Variants in AKAP6 observed in about 807,000 individuals in gnomAD.
AKAP6 encodes A-kinase anchor protein 6.
AKAP6 carries 58 observed loss-of-function variants against 188.5 expected under a neutral mutation model. That is an observed-to-expected ratio of 0.31 (90% CI 0.25 to 0.38). The LOEUF (loss-of-function observed/expected upper bound fraction) is 0.38. AKAP6 is among the 10% of genes least tolerant of loss of function. The pLI, the probability that AKAP6 is intolerant of heterozygous loss-of-function variation, is 1.00. For synonymous variants in AKAP6, 989 were observed against 998.6 expected, an observed-to-expected ratio of 0.99 and a Z score of 0.18; for missense variants, 2,710 against 2,740.0, an observed-to-expected ratio of 0.99 and a Z score of 0.24.
chr14:32,747,811 C>A (rs1278312056), intron 11 of AKAP6, among the ~76,000 whole-genome samples: 1 of 152,202 alleles, frequency 6.6e-6, no homozygotes, highest in Admixed American at 6.5e-5. Flanking sequence ...CAGCCCAATT[C>A]TTTCTGATTA....
At chr14:32,731,244 G>T (rs973907166) in intron 9 of AKAP6, among the ~76,000 whole-genome samples, 13 of 152,060 alleles carry the variant, frequency 8.5e-5, no homozygotes, top group Admixed American at 8.5e-4. Flanking sequence ...ACATATGCAC[G>T]CAAATGCTGA....
intron 2 of AKAP6, among the ~76,000 whole-genome samples, chr14:32,437,554 C>G (rs997314807): frequency 6.6e-6 from 1 of 152,022 alleles, no homozygotes; most frequent in Admixed American, 6.6e-5. Flanking sequence ...TCTTAAAACC[C>G]CTGCCACCCA....
At chr14:32,382,636 A>G (rs1050271357) in intron 1 of AKAP6, among the ~76,000 whole-genome samples, 5 of 152,190 alleles carry the variant, frequency 3.3e-5, no homozygotes, top group African/African-American at 9.6e-5. Flanking sequence ...TTTTCATCTC[A>G]GAATGAAAAA....
At chr14:32,704,251 AT>A (rs1312215828) in intron 9 of AKAP6, among the ~76,000 whole-genome samples, 1 of 152,196 alleles carries the variant, frequency 6.6e-6, no homozygotes, top group South Asian at 2.1e-4. Context: ...TGCTAATAAA[AT>A]TTTGGATTAA....
intron 12 of AKAP6, among the ~76,000 whole-genome samples, chr14:32,778,753 C>T (rs11624519): frequency 3.5e-5 from 5 of 143,444 alleles, no homozygotes; most frequent in South Asian, 2.2e-4. Flanking sequence ...CGCTATGTTG[C>T]GCAGGCTAGT....
chr14:32,791,142 A>G (rs2140054633), intron 12 of AKAP6, among the ~76,000 whole-genome samples: 1 of 152,264 alleles, frequency 6.6e-6, no homozygotes, highest in African/African-American at 2.4e-5. Context: ...CAGTAATGGG[A>G]TTGCTGGGTC....
chr14:32,708,550 T>C (rs1028538), intron 9 of AKAP6, among the ~76,000 whole-genome samples: 17,069 of 152,050 alleles, frequency 0.11, 2,135 homozygotes, highest in East Asian at 0.38. Flanking sequence ...TGAAACACTT[T>C]TGAAACTTTC....
At position 32,833,394 on chromosome 14, in the gene AKAP6, T is replaced by G. The variant is rs569583707; in HGVS notation, c.*3589T>G. The G allele has an allele frequency of 6.6e-6, 1 of 152,312 alleles. No homozygotes were observed. The highest frequency in any genetic ancestry group is 1.9e-4 in the East Asian group (1 of 5,192). The allele number at this position is 152,312 out of a possible 1,614,324, so 9.4% of individuals were successfully genotyped here. A position where few individuals can be genotyped will look rare whatever the true frequency, so the allele number is the denominator to read the frequency against. On this transcript the variant is annotated 3_prime_UTR_variant, in exon 14 of 14. Transcript: ENST00000280979. ...TAGTTTCTGATGAAGTTTCTCTACA[T>G]TTAAGAAAATCTAGTGAGCAAAACG...
intron 3 of AKAP6, among the ~76,000 whole-genome samples, chr14:32,538,694 G>A (rs1882792048): frequency 6.6e-6 from 1 of 152,010 alleles, no homozygotes. Context: ...CAGACATTGT[G>A]ATAAGCACTT....
At chr14:32,634,452 T>A (rs1019862726) in intron 7 of AKAP6, among the ~76,000 whole-genome samples, 1 of 152,042 alleles carries the variant, frequency 6.6e-6, no homozygotes, top group Non-Finnish European at 1.5e-5. Context: ...TCCCTTACAA[T>A]TTTTTTGATA....
intron 2 of AKAP6, among the ~76,000 whole-genome samples, chr14:32,490,133 T>G (rs1428003507): frequency 3.3e-5 from 4 of 119,832 alleles, no homozygotes; most frequent in African/African-American, 1.5e-4. Context: ...ACAAAGTACA[T>G]TGATCAGTTA....
chr14:32,541,740 G>A (rs1274189462), intron 3 of AKAP6, among the ~76,000 whole-genome samples: 2 of 152,066 alleles, frequency 1.3e-5, no homozygotes, highest in Admixed American at 1.3e-4. Context: ...TAAGTTCTGA[G>A]TAATGAACAA....
intron 9 of AKAP6, among the ~76,000 whole-genome samples, chr14:32,704,893 T>C (rs1040116694): frequency 1.3e-5 from 2 of 152,124 alleles, no homozygotes; most frequent in South Asian, 2.1e-4. Flanking sequence ...TCGTTCTAGT[T>C]TTTATAGTTT....
chr14:32,379,209 T>TG (rs757607166), intron 1 of AKAP6, among the ~76,000 whole-genome samples: 13 of 152,148 alleles, frequency 8.5e-5, no homozygotes, highest in Non-Finnish European at 1.5e-5. Flanking sequence ...TGTGAGCCAC[T>TG]GCGCCCAGCC....
At chr14:32,337,871 C>T (rs1269652379) in intron 1 of AKAP6, among the ~76,000 whole-genome samples, 1 of 151,974 alleles carries the variant, frequency 6.6e-6, no homozygotes, top group African/African-American at 2.4e-5. Flanking sequence ...AGGAGAGAAA[C>T]AGGCCTGGCA....
intron 11 of AKAP6, among the ~76,000 whole-genome samples, chr14:32,769,484 T>A (rs1204206779): frequency 2.0e-5 from 3 of 152,038 alleles, no homozygotes; most frequent in African/African-American, 7.2e-5. Flanking sequence ...ATAGAAGCCA[T>A]GCTCAACTGA....
At chr14:32,789,911 T>C (rs2033557272) in intron 12 of AKAP6, among the ~76,000 whole-genome samples, 1 of 152,058 alleles carries the variant, frequency 6.6e-6, no homozygotes, top group African/African-American at 2.4e-5. Context: ...AGGTGGGTAA[T>C]AATGAATGTT....
intron 1 of AKAP6, among the ~76,000 whole-genome samples, chr14:32,429,363 T>C (rs1289078017): frequency 6.6e-6 from 1 of 152,212 alleles, no homozygotes; most frequent in Non-Finnish European, 1.5e-5. Context: ...GAAAGAAACT[T>C]GAATAGTCCT....
chr14:32,625,189 C>A (rs1886967923), intron 7 of AKAP6, among the ~76,000 whole-genome samples: 1 of 152,030 alleles, frequency 6.6e-6, no homozygotes, highest in African/African-American at 2.4e-5. Flanking sequence ...TTGTAAACTG[C>A]CTAGGATAGA....
Sources: allele counts gnomAD v4.1 joint callset (sites outside exome capture counted in the v4.1 genomes callset), GRCh38; gene constraint gnomAD v4.1.1; transcripts MANE v1.5; gene names NCBI Gene and HGNC (gene_info 2026-07-23, HGNC 2026-07-21).